The following MLYCD variants were observed in gnomAD, a reference collection of about 807,000 sequenced individuals.
MLYCD encodes malonyl-CoA decarboxylase, mitochondrial.
In MLYCD, 27 loss-of-function variants were observed where a neutral mutation model predicts 35.8. The observed-to-expected ratio is 0.75, with a 90% CI of 0.56 to 1.04. The LOEUF is 1.04. Ranked by LOEUF, MLYCD falls within the 50% of genes least tolerant of loss-of-function variation. The pLI is 0.00. For missense variants in MLYCD, 917 were observed against 665.1 expected, an observed-to-expected ratio of 1.38 and a Z score of -4.17; for synonymous variants, 403 against 302.4, an observed-to-expected ratio of 1.33 and a Z score of -3.45.
intron 3 of MLYCD, among the ~76,000 whole-genome samples, chr16:83,908,663 C>T (rs1383133325): frequency 1.3e-5 from 2 of 152,140 alleles, no homozygotes; most frequent in Non-Finnish European, 2.9e-5. Context: ...TTGAAAGATA[C>T]TTGATTAGAA....
In MLYCD at chr16:83,911,945, G is replaced by T. The variant is rs1291542131; in HGVS notation, c.799-273G>T. ...AAAGGCCTAAAAGAGACAGAAAGGG[G>T]CATACATTGCTCTTCAACAAAGTTT... On this transcript the variant is annotated intron_variant, in intron 3 of 4. Transcript: ENST00000262430. The T allele has an allele frequency of 6.4e-6, 3 of 468,842 alleles. No homozygotes were observed. In the East Asian group the frequency reaches 1.3e-4, roughly 20 times the overall value. The allele number at this position is 468,842 out of a possible 1,614,324, so 29.0% of individuals were successfully genotyped here.
At chr16:83,902,352 G>A (rs1340258015) in intron 1 of MLYCD, among the ~76,000 whole-genome samples, 1 of 150,864 alleles carries the variant, frequency 6.6e-6, no homozygotes, top group East Asian at 1.9e-4. Context: ...TGTGAGCCCA[G>A]ATGTAATTTT....
At chr16:83,911,126 G>A (rs1907163432) in intron 3 of MLYCD, among the ~76,000 whole-genome samples, 1 of 152,060 alleles carries the variant, frequency 6.6e-6, no homozygotes, top group Admixed American at 6.6e-5. Flanking sequence ...ACAGGCACCT[G>A]CCACCATGCC....
intron 2 of MLYCD, among the ~76,000 whole-genome samples, chr16:83,907,565 G>A (rs1907024979): frequency 6.6e-6 from 1 of 152,176 alleles, no homozygotes; most frequent in Non-Finnish European, 1.5e-5. Flanking sequence ...AGGCTAGCAT[G>A]TCACGGTGCC....
rs1397996961 is a variant in MLYCD at position 83,899,603 on chromosome 16, C to G, written c.459C>G (p.Phe153Leu). Residue 153 changes from phenylalanine to leucine, a missense_variant, in exon 1 of 5, where the codon TTC (phenylalanine) becomes TTG (leucine). Phe to Leu is a conservative substitution (Grantham distance 22). Coordinates refer to ENST00000262430, the MANE Select transcript of MLYCD (RefSeq NM_012213.3). ...GCAAGCTGGACGGCGGCGTGCGCTT[C>G]CTGGTGCAGCTGCGGGCCGACCTGC... ...HISKLDGGVR[F>L]LVQLRADLLE... The G allele has an allele frequency of 6.3e-7, 1 of 1,584,348 alleles. No homozygotes were observed. The highest frequency in any genetic ancestry group is 2.3e-5 in the East Asian group (1 of 43,824).
rs1907686513 is a variant in MLYCD at position 83,922,473 on chromosome 16, CA to C, written c.*6985del. 1 of 152,286 alleles carries C rather than the reference CA, an allele frequency of 6.6e-6. No individual in the cohort carries two copies. The highest frequency in any genetic ancestry group is 2.4e-5 in the African/African-American group (1 of 41,462). The allele number at this position is 152,286 out of a possible 1,614,324, so 9.4% of individuals were successfully genotyped here. On this transcript the variant is annotated 3_prime_UTR_variant, in exon 5 of 5. Transcript: ENST00000262430. ...ATGGGCTCCTTTTTCTTCTGAAATG[CA>C]GCGTGAGGCACCATGGAGGGAGCTG...
At position 83,914,783 on chromosome 16, in the gene MLYCD, A is replaced by T. The variant is rs539976287; in HGVS notation, c.949-173A>T. On this transcript the variant is annotated intron_variant, in intron 4 of 4. Transcript: ENST00000262430. The stretch of plus-strand genomic sequence containing the variant: ...AATAGAGCAAGACCCTGACTCTAAG[A>T]GGAAAAAAAGAAAAGCTGCTTGAAA... The T allele has an allele frequency of 2.6e-4, 246 of 944,038 alleles. 3 individuals carry two copies. The highest frequency in any genetic ancestry group is 2.2e-3 in the Middle Eastern group (7 of 3,226). The allele number at this position is 944,038 out of a possible 1,614,324, so 58.5% of individuals were successfully genotyped here.
chr16:83,905,499 G>A (rs1258337964), intron 1 of MLYCD, among the ~76,000 whole-genome samples: 2 of 152,298 alleles, frequency 1.3e-5, no homozygotes. Context: ...CTGCTCTTTG[G>A]TGCTCTTGGT....
At chr16:83,912,625 C>A in intron 4 of MLYCD, 1 of 512,200 alleles carries the variant, frequency 2.0e-6, no homozygotes, top group Non-Finnish European at 3.6e-6. Flanking sequence ...ATTCTGAGGT[C>A]ATCAACTCTC....
At position 83,915,044 on chromosome 16, in the gene MLYCD, C is replaced by G. The variant is rs748843724; in HGVS notation, c.1037C>G (p.Thr346Arg). 2 of 1,614,204 alleles carry G rather than the reference C, an allele frequency of 1.2e-6. No individual in the cohort carries two copies. Among genetic ancestry groups the G allele is most frequent in the South Asian group, 1.1e-5 (1 of 91,084 alleles). ...KWLLGLLNSQTKEHGRNELFT... is the reference protein window; with the variant it reads ...KWLLGLLNSQRKEHGRNELFT... ...CTTCTGGGGCTTCTGAACTCGCAAA[C>G]GAAGGAGCATGGGAGGAATGAACTC... The change falls in exon 5 of 5, where the codon ACG (threonine) becomes AGG (arginine). Residue 346 changes from threonine to arginine, a missense_variant. Physicochemically the swap from Thr to Arg is moderately conservative, Grantham distance 71. Transcript: ENST00000262430.
intron 3 of MLYCD, among the ~76,000 whole-genome samples, chr16:83,908,765 C>A (rs76369073): frequency 1.3e-5 from 2 of 152,098 alleles, no homozygotes; most frequent in Non-Finnish European, 2.9e-5. Context: ...TTGATAGCCC[C>A]GTCTGTGGCA....
chr16:83,901,024 T>A (rs1173634681), intron 1 of MLYCD, among the ~76,000 whole-genome samples: 2 of 152,188 alleles, frequency 1.3e-5, no homozygotes, highest in Non-Finnish European at 2.9e-5. Context: ...AAATTGGGCA[T>A]AATTAAGTAT....
In MLYCD at chr16:83,915,082, G is replaced by A. The variant is rs1222393679; in HGVS notation, c.1075G>A (p.Glu359Lys). 1 of 1,614,240 alleles carries A rather than the reference G, an allele frequency of 6.2e-7. No individual in the cohort carries two copies. Among genetic ancestry groups the A allele is most frequent in the Non-Finnish European group, 8.5e-7 (1 of 1,180,042 alleles). The change falls in exon 5 of 5, where the codon GAA (glutamate) becomes AAA (lysine). Residue 359 changes from glutamate to lysine, a missense_variant. Coordinates refer to ENST00000262430, the MANE Select transcript of MLYCD (RefSeq NM_012213.3). ...HGRNELFTDS[E>K]CKEISEITGG... ...GAGGAATGAACTCTTTACAGATTCG[G>A]AATGTAAGGAAATCTCGGAGATCAC... is the stretch of plus-strand genomic sequence containing the variant.
chr16:83,900,788 T>G (rs1440604915), intron 1 of MLYCD, among the ~76,000 whole-genome samples: 2 of 152,124 alleles, frequency 1.3e-5, no homozygotes, highest in African/African-American at 4.8e-5. Context: ...TAATACTGGT[T>G]TAATAGTTTA....
At position 83,920,173 on chromosome 16, in the gene MLYCD, A is replaced by AGTTTT. The variant is rs942711233; in HGVS notation, c.*4696_*4700dup. 1 of 152,190 alleles carries AGTTTT rather than the reference A, an allele frequency of 6.6e-6. No individual in the cohort carries two copies. Among genetic ancestry groups the AGTTTT allele is most frequent in the Non-Finnish European group, 1.5e-5 (1 of 68,038 alleles). 9.4% of individuals were successfully genotyped at this position (152,190 alleles called of 1,614,324 possible). A position where few individuals can be genotyped will look rare whatever the true frequency, so the allele number is the denominator to read the frequency against. On this transcript the variant is annotated 3_prime_UTR_variant, in exon 5 of 5. Coordinates refer to ENST00000262430, the MANE Select transcript of MLYCD (RefSeq NM_012213.3). ...TGCACAGAACACACACCCTGTGCAC[A>AGTTTT]GTTTTGTTTTGTTTTGCTTTTGCAA...
Position 83,899,681 on chromosome 16 carries a change from C to T in MLYCD, c.528+9C>T, listed in dbSNP as rs1437245385. The T allele has an allele frequency of 7.3e-6, 11 of 1,509,916 alleles. No homozygotes were observed. Among genetic ancestry groups the T allele is most frequent in the Non-Finnish European group, 1.8e-6 (2 of 1,135,076 alleles). The allele number at this position is 1,509,916 out of a possible 1,614,324, so 93.5% of individuals were successfully genotyped here. On this transcript the variant is annotated intron_variant, in intron 1 of 4. Transcript: ENST00000262430. ...AGGGGCCGGACGTCCGGGTAAGGGG[C>T]CGCCGTCGATCCCCCGGCAGCGCGG... is the stretch of plus-strand genomic sequence containing the variant.
rs777888432 is a variant in MLYCD at position 83,907,112 on chromosome 16, G to C, written c.641+13G>C. The C allele has an allele frequency of 6.3e-7, 1 of 1,593,358 alleles. No homozygotes were observed. Among genetic ancestry groups the C allele is most frequent in the South Asian group, 1.1e-5 (1 of 90,654 alleles). ...AGAAAATCAGTGAGTAAGTATTACG[G>C]TTTTCATTTTCTTTGTACATACATT... is the stretch of plus-strand genomic sequence containing the variant. On this transcript the variant is annotated intron_variant, in intron 2 of 4. Coordinates refer to ENST00000262430, the MANE Select transcript of MLYCD (RefSeq NM_012213.3).
In MLYCD at chr16:83,925,918, C is replaced by T. The variant is rs1365045151; in HGVS notation, c.*10429C>T. Reference sequence around the variant, plus strand: ...CCTCTCCTTCCTGGTAGCTTCTAAACAAGGCAGTTTCATGTGTGTATCTCC... The same window carrying T: ...CCTCTCCTTCCTGGTAGCTTCTAAATAAGGCAGTTTCATGTGTGTATCTCC... On this transcript the variant is annotated 3_prime_UTR_variant, in exon 5 of 5. Transcript: ENST00000262430. 1 of 152,388 alleles carries T rather than the reference C, an allele frequency of 6.6e-6. No individual in the cohort carries two copies. The highest frequency in any genetic ancestry group is 2.4e-5 in the African/African-American group (1 of 41,468). 9.4% of individuals were successfully genotyped at this position (152,388 alleles called of 1,614,324 possible). A position where few individuals can be genotyped will look rare whatever the true frequency, so the allele number is the denominator to read the frequency against.
intron 3 of MLYCD, among the ~76,000 whole-genome samples, chr16:83,909,639 G>C (rs908877742): frequency 1.1e-4 from 8 of 71,048 alleles, no homozygotes; most frequent in Admixed American, 1.1e-3. Flanking sequence ...TTTTTTTTTT[G>C]AAGCGGAGTT....
Sources: allele counts gnomAD v4.1 joint callset (sites outside exome capture counted in the v4.1 genomes callset), GRCh38; gene constraint gnomAD v4.1.1; transcripts MANE v1.5; gene names NCBI Gene and HGNC (gene_info 2026-07-23, HGNC 2026-07-21).